Variants in PDE8A observed in about 807,000 individuals in gnomAD.
PDE8A encodes high affinity cAMP-specific and IBMX-insensitive 3',5'-cyclic phosphodiesterase 8A.
Under a neutral mutation model 105.0 loss-of-function variants are expected in PDE8A, and 59 were observed. That is an observed-to-expected ratio of 0.56 (90% CI 0.46 to 0.70). PDE8A has a LOEUF of 0.70. Ranked by LOEUF, PDE8A falls within the 30% of genes least tolerant of loss-of-function variation. PDE8A has a pLI of 0.00. For missense variants in PDE8A, 1,014 were observed against 1,045.9 expected (o/e 0.97, Z 0.42); for synonymous variants, 355 against 371.9 (o/e 0.95, Z 0.52).
intron 3 of PDE8A, among the ~76,000 whole-genome samples, chr15:85,074,377 A>G (rs2081353576): frequency 6.6e-6 from 1 of 152,114 alleles, no homozygotes; most frequent in Non-Finnish European, 1.5e-5. Context: ...TTATTCCCTG[A>G]CCCTTTACAG....
chr15:85,047,946 G>C (rs2080913122), intron 1 of PDE8A, among the ~76,000 whole-genome samples: 4 of 152,034 alleles, frequency 2.6e-5, no homozygotes. Flanking sequence ...GTTTCCTTAA[G>C]TTTGTACTGT....
intron 11 of PDE8A, among the ~76,000 whole-genome samples, chr15:85,105,409 G>A (rs759136051): frequency 3.9e-5 from 6 of 152,058 alleles, no homozygotes; most frequent in African/African-American, 7.2e-5. Flanking sequence ...CTGTGGTCCC[G>A]GCAGAATGAC....
intron 19 of PDE8A, among the ~76,000 whole-genome samples, 164 bp downstream of exon 19, chr15:85,123,357 C>CACACACACACACACACAT (rs1373124228): frequency 8.7e-6 from 1 of 115,172 alleles, no homozygotes; most frequent in African/African-American, 2.8e-5. Flanking sequence ...CACACACACA[C>CACACACACACACACACAT]ACACACACAC....
intron 1 of PDE8A, among the ~76,000 whole-genome samples, chr15:84,999,374 C>T (rs547521509): frequency 1.4e-4 from 22 of 152,262 alleles, no homozygotes; most frequent in East Asian, 7.7e-4. Flanking sequence ...CTGCCTGCCT[C>T]GGCCTCCCAG....
At chr15:85,031,927 C>T (rs1049332130) in intron 1 of PDE8A, among the ~76,000 whole-genome samples, 1 of 152,170 alleles carries the variant, frequency 6.6e-6, no homozygotes, top group Non-Finnish European at 1.5e-5. Flanking sequence ...CCCTCAGACA[C>T]TTGTTGGAAT....
rs189721051 is a variant in PDE8A at position 85,090,479 on chromosome 15, T to C, written c.715-565T>C. ...TACAGTCATATCTGAAACTTAACCA[T>C]AAAGCCTTACATTTGTAATTACTTC... is the stretch of plus-strand genomic sequence containing the variant. On this transcript the variant is annotated intron_variant, in intron 7 of 21. Transcript: ENST00000394553. Among the ~76,000 whole-genome samples, 24 of 152,316 alleles carry C rather than the reference T, an allele frequency of 1.6e-4. No individual in the cohort carries two copies. In the East Asian group the frequency reaches 4.4e-3, roughly 28 times the overall value.
intron 1 of PDE8A, among the ~76,000 whole-genome samples, chr15:84,997,474 A>G (rs2060784): frequency 0.88 from 133,421 of 152,194 alleles, 58,859 homozygotes; most frequent in African/African-American, 0.95. Context: ...GGGATTACAG[A>G]TATGAGCCAA....
chr15:85,123,265 G>C, intron 19 of PDE8A, 72 bp downstream of exon 19: 1 of 1,460,204 alleles, frequency 6.8e-7, no homozygotes, highest in Non-Finnish European at 9.5e-7. Flanking sequence ...AGACACATGG[G>C]CTATGATATC....
intron 8 of PDE8A, among the ~76,000 whole-genome samples, chr15:85,096,965 A>G (rs1177205649): frequency 1.1e-4 from 16 of 152,176 alleles, no homozygotes; most frequent in Non-Finnish European, 1.5e-5. Context: ...CATGTACCAA[A>G]CAAGAATATT....
intron 6 of PDE8A, 51 bp downstream of exon 6, chr15:85,083,695 C>T: frequency 8.8e-7 from 1 of 1,131,922 alleles, no homozygotes; most frequent in Non-Finnish European, 1.3e-6. Flanking sequence ...GGCAGCATGG[C>T]AAGTGAGAAC....
In PDE8A at chr15:85,074,579, G is replaced by A. The variant is rs28718705; in HGVS notation, c.435-1283G>A. 2.0e-5 allele frequency among the ~76,000 whole-genome samples: 3 copies of A among 152,164 alleles called. No homozygotes were observed. In the South Asian group the frequency reaches 6.2e-4, roughly 32 times the overall value. On this transcript the variant is annotated intron_variant, in intron 3 of 21. Coordinates refer to ENST00000394553, the MANE Select transcript of PDE8A (RefSeq NM_002605.3). ...AGCCAGTGGCATGTGCCAGCTGGTCGCAGCTACTCATAGCTGGAGCCCAGG... is the reference window on the plus strand; with the variant it reads ...AGCCAGTGGCATGTGCCAGCTGGTCACAGCTACTCATAGCTGGAGCCCAGG...
At chr15:85,000,557 A>T (rs1398455647) in intron 1 of PDE8A, among the ~76,000 whole-genome samples, 2 of 152,144 alleles carry the variant, frequency 1.3e-5, no homozygotes, top group African/African-American at 2.4e-5. Flanking sequence ...GGCTGGCTGG[A>T]GGTGGTCTCT....
chr15:85,037,357 AC>A (rs1166636278), intron 1 of PDE8A, among the ~76,000 whole-genome samples: 2 of 152,092 alleles, frequency 1.3e-5, no homozygotes, highest in Non-Finnish European at 2.9e-5. Flanking sequence ...GAGCCACAGC[AC>A]CCAGCCTGAT....
chr15:85,053,097 T>C (rs944233526), intron 1 of PDE8A, among the ~76,000 whole-genome samples: 8 of 152,216 alleles, frequency 5.3e-5, no homozygotes, highest in African/African-American at 1.9e-4. Flanking sequence ...CCATTTCTTG[T>C]TTTTGTCAGG....
intron 6 of PDE8A, among the ~76,000 whole-genome samples, chr15:85,088,940 C>G (rs2081596323): frequency 6.6e-6 from 1 of 152,176 alleles, no homozygotes; most frequent in Non-Finnish European, 1.5e-5. Context: ...ATTGCCTTCT[C>G]TTTGCCAGGC....
At chr15:85,130,234 G>A (rs1287561902) in intron 20 of PDE8A, among the ~76,000 whole-genome samples, 1 of 152,146 alleles carries the variant, frequency 6.6e-6, no homozygotes, top group Non-Finnish European at 1.5e-5. Flanking sequence ...CATTCACGAA[G>A]GATCTGCCCC....
chr15:85,019,122 A>C (rs1425524332), intron 1 of PDE8A, among the ~76,000 whole-genome samples: 1 of 152,262 alleles, frequency 6.6e-6, no homozygotes, highest in Non-Finnish European at 1.5e-5. Flanking sequence ...CACTATTGTG[A>C]ACTTGCTGGG....
At chr15:85,126,022 C>A (rs532519148) in intron 19 of PDE8A, among the ~76,000 whole-genome samples, 185 bp from the exon 20 acceptor site, 2 of 152,088 alleles carry the variant, frequency 1.3e-5, no homozygotes, top group African/African-American at 2.4e-5. Flanking sequence ...CACTGAGCCT[C>A]GGTTTTCTCC....
At chr15:85,001,291 A>AAGGAAGT (rs1366488311) in intron 1 of PDE8A, among the ~76,000 whole-genome samples, 1 of 152,196 alleles carries the variant, frequency 6.6e-6, no homozygotes, top group Non-Finnish European at 1.5e-5. Context: ...GAGCACTAAG[A>AAGGAAGT]AGGAAGTAGG....
Sources: allele counts gnomAD v4.1 joint callset (sites outside exome capture counted in the v4.1 genomes callset), GRCh38; gene constraint gnomAD v4.1.1; transcripts MANE v1.5; gene names NCBI Gene and HGNC (gene_info 2026-07-23, HGNC 2026-07-21).